Variants in IFNGR2 observed in about 807,000 individuals in gnomAD.
The protein encoded by IFNGR2 is IFN-gamma receptor 2.
IFNGR2 carries 15 observed loss-of-function variants against 41.1 expected under a neutral mutation model. The ratio of observed to expected loss-of-function variants is 0.37; its 90% CI spans 0.24 to 0.56. The LOEUF is 0.56. Among genes scored for constraint, IFNGR2 ranks in the 20% least tolerant of loss-of-function variants. The pLI is 0.81. For missense variants in IFNGR2, 362 were observed against 415.7 expected (o/e 0.87, Z 1.12); for synonymous variants, 161 against 171.6 (o/e 0.94, Z 0.48).
At chr21:33,428,356 G>C (rs1048540310) in intron 4 of IFNGR2, among the ~76,000 whole-genome samples, 8 of 151,970 alleles carry the variant, frequency 5.3e-5, no homozygotes, top group Non-Finnish European at 8.8e-5. Flanking sequence ...CGAGTAGCTG[G>C]AACTACAGGC....
At chr21:33,432,533 T>C (rs2083898983) in intron 5 of IFNGR2, 181 bp from the exon 6 acceptor site, 1 of 860,754 alleles carries the variant, frequency 1.2e-6, no homozygotes, top group Non-Finnish European at 1.9e-6. Flanking sequence ...ACTTGCTTTA[T>C]TTCATTACAG....
intron 1 of IFNGR2, among the ~76,000 whole-genome samples, chr21:33,406,906 C>T (rs1488540888): frequency 6.6e-6 from 1 of 151,992 alleles, no homozygotes; most frequent in African/African-American, 2.4e-5. Context: ...GCCTCAGCCT[C>T]CCAAAGTGCT....
intron 3 of IFNGR2, among the ~76,000 whole-genome samples, chr21:33,423,707 A>G (rs1406005285): frequency 1.3e-5 from 2 of 152,178 alleles, no homozygotes; most frequent in East Asian, 3.9e-4. Context: ...CCCGGCCAAT[A>G]AAAAGTTTTT....
At chr21:33,405,119 AAAAAG>A (rs1301711401) in intron 1 of IFNGR2, among the ~76,000 whole-genome samples, 2 of 151,212 alleles carry the variant, frequency 1.3e-5, no homozygotes, top group African/African-American at 2.5e-5. Context: ...AAAAAAAAAA[AAAAAG>A]AAAAAGAGGA....
At chr21:33,435,468 G>GAA (rs571288960) in intron 6 of IFNGR2, among the ~76,000 whole-genome samples, 47 of 152,124 alleles carry the variant, frequency 3.1e-4, no homozygotes, top group African/African-American at 1.1e-3. Context: ...AAAATCAGAA[G>GAA]AAAAAAACAA....
chr21:33,408,471 C>T (rs1469274116), intron 1 of IFNGR2, among the ~76,000 whole-genome samples: 1 of 152,152 alleles, frequency 6.6e-6, no homozygotes, highest in Non-Finnish European at 1.5e-5. Context: ...GCTGGGATTA[C>T]AGGCATGAGC....
At chr21:33,428,661 G>A (rs1328270394) in intron 4 of IFNGR2, among the ~76,000 whole-genome samples, 2 of 152,136 alleles carry the variant, frequency 1.3e-5, no homozygotes, top group Admixed American at 6.6e-5. Context: ...TAGAATAGAG[G>A]GAGCCTGGCA....
chr21:33,404,289 C>T (rs1365071507), intron 1 of IFNGR2, among the ~76,000 whole-genome samples: 8 of 152,184 alleles, frequency 5.3e-5, no homozygotes, highest in African/African-American at 1.9e-4. Context: ...CGACTTTGGC[C>T]GAGGGCATGT....
intron 4 of IFNGR2, among the ~76,000 whole-genome samples, chr21:33,430,718 G>A (rs2083878662): frequency 3.3e-5 from 5 of 152,170 alleles, no homozygotes; most frequent in Admixed American, 3.3e-4. Flanking sequence ...CTCCCAAAGT[G>A]CTGGAATTAC....
At chr21:33,406,405 G>A (rs1052231724) in intron 1 of IFNGR2, among the ~76,000 whole-genome samples, 54 of 152,026 alleles carry the variant, frequency 3.6e-4, no homozygotes, top group African/African-American at 1.3e-3. Context: ...AAGAAAAGTA[G>A]TGTAGTGCTT....
intron 3 of IFNGR2, 150 bp downstream of exon 3, chr21:33,421,835 G>C: frequency 1.3e-6 from 1 of 748,464 alleles, no homozygotes; most frequent in Non-Finnish European, 2.4e-6. Flanking sequence ...TGACCTTGGA[G>C]GCTGATGCTA....
At chr21:33,403,368 G>C, upstream of IFNGR2, 1 of 196,966 alleles carries the variant, frequency 5.1e-6, no homozygotes, top group South Asian at 1.6e-4. Context: ...CGGGGGCGGG[G>C]GCGCGGGCGG....
At chr21:33,436,606 C>T (rs2083953751) in intron 6 of IFNGR2, among the ~76,000 whole-genome samples, 1 of 151,670 alleles carries the variant, frequency 6.6e-6, no homozygotes, top group Non-Finnish European at 1.5e-5. Context: ...CCTGTAGTCC[C>T]AGCTACTTGG....
intron 3 of IFNGR2, among the ~76,000 whole-genome samples, chr21:33,423,773 G>A (rs1242493783): frequency 2.6e-5 from 4 of 151,542 alleles, no homozygotes; most frequent in Admixed American, 2.6e-4. Context: ...TGGGAGGATC[G>A]CTTGAGCTCA....
chr21:33,427,599 G>A (rs575431588), intron 4 of IFNGR2, among the ~76,000 whole-genome samples: 1 of 152,248 alleles, frequency 6.6e-6, no homozygotes, highest in East Asian at 1.9e-4. Flanking sequence ...GTTGACAGAG[G>A]TGCATGACAT....
chr21:33,428,240 T>C (rs906710744), intron 4 of IFNGR2, among the ~76,000 whole-genome samples: 1 of 151,732 alleles, frequency 6.6e-6, no homozygotes, highest in Non-Finnish European at 1.5e-5. Flanking sequence ...ATTGTTCTTT[T>C]TTTGAGACAG....
chr21:33,437,250 G>A lies in IFNGR2; in HGVS notation c.*288G>A. 1 of 381,360 alleles carries A rather than the reference G, an allele frequency of 2.6e-6. No homozygotes were observed. Among genetic ancestry groups the A allele is most frequent in the Non-Finnish European group, 4.9e-6 (1 of 204,218 alleles). The allele number at this position is 381,360 out of a possible 1,614,324, so 23.6% of individuals were successfully genotyped here. A position where few individuals can be genotyped will look rare whatever the true frequency, so the allele number is the denominator to read the frequency against. On this transcript the variant is annotated 3_prime_UTR_variant, in exon 7 of 7. Coordinates refer to ENST00000290219, the MANE Select transcript of IFNGR2 (RefSeq NM_005534.4). ...GCATGTAATTGCTTGTTAGCAAAAT[G>A]GATATGACACATCTCTGATACTTTT...
chr21:33,421,984 C>G (rs1299732883), intron 3 of IFNGR2, among the ~76,000 whole-genome samples: 4 of 152,216 alleles, frequency 2.6e-5, no homozygotes, highest in Non-Finnish European at 5.9e-5. Flanking sequence ...TGACTGCTTT[C>G]ACACTACAAT....
At position 33,421,685 on chromosome 21, in the gene IFNGR2, G is replaced by A; in HGVS notation, c.412G>A (p.Val138Met). ...GCCTTGGTTTCAACACTATCGGAAT[G>A]GTAAGAGAACTTGAGTATAGAACTT... ...TMPWFQHYRN[V>M]TVGPPENIEV... Residue 138 changes from valine (V) to methionine (M), a missense_variant and splice_region_variant, in exon 3 of 7, where the codon GTG (valine) becomes ATG (methionine). Physicochemically the swap from Val to Met is conservative, Grantham distance 21. Coordinates refer to ENST00000290219, the MANE Select transcript of IFNGR2 (RefSeq NM_005534.4). 6.2e-7 allele frequency: 1 copy of A among 1,611,478 alleles called. No homozygotes were observed. The highest frequency in any genetic ancestry group is 8.5e-7 in the Non-Finnish European group (1 of 1,177,544).
Sources: allele counts gnomAD v4.1 joint callset (sites outside exome capture counted in the v4.1 genomes callset), GRCh38; gene constraint gnomAD v4.1.1; transcripts MANE v1.5; gene names NCBI Gene and HGNC (gene_info 2026-07-23, HGNC 2026-07-21).